KCNK2: variants seen among roughly 807,000 people sequenced by gnomAD.
KCNK2 encodes potassium channel subfamily K member 2.
Under a neutral mutation model 40.5 loss-of-function variants are expected in KCNK2, and 21 were observed. The observed-to-expected ratio is 0.52, with a 90% CI of 0.37 to 0.75. The LOEUF (loss-of-function observed/expected upper bound fraction) is 0.75, where lower values mean the gene tolerates loss of function less well. Among genes scored for constraint, KCNK2 ranks in the 30% least tolerant of loss-of-function variants. KCNK2 has a pLI of 0.00. For missense variants in KCNK2, 399 were observed against 531.6 expected, an observed-to-expected ratio of 0.75 and a Z score of 2.45; for synonymous variants, 191 against 202.2, an observed-to-expected ratio of 0.94 and a Z score of 0.47.
intron 2 of KCNK2, 65 bp downstream of exon 2, chr1:215,086,743 C>T (rs1373343236): frequency 7.0e-7 from 1 of 1,428,744 alleles, no homozygotes; most frequent in Non-Finnish European, 9.7e-7. Context: ...TAGGAGGAGA[C>T]AACTTGTAGC....
intron 3 of KCNK2, among the ~76,000 whole-genome samples, chr1:215,135,120 C>T (rs1342760766): frequency 6.6e-6 from 1 of 152,092 alleles, no homozygotes; most frequent in African/African-American, 2.4e-5. Context: ...ATGTGCTGTA[C>T]ATATTGATGC....
At chr1:215,069,933 A>T (rs540389590) in intron 1 of KCNK2, among the ~76,000 whole-genome samples, 3 of 152,230 alleles carry the variant, frequency 2.0e-5, no homozygotes, top group African/African-American at 7.2e-5. Flanking sequence ...TCTTTCTTGG[A>T]GTTAATAAGA....
At chr1:215,214,583 T>C (rs1044188068) in intron 6 of KCNK2, among the ~76,000 whole-genome samples, 1 of 152,100 alleles carries the variant, frequency 6.6e-6, no homozygotes, top group Non-Finnish European at 1.5e-5. Context: ...CCTAGCACTT[T>C]GGGAGGCCAA....
chr1:215,115,512 T>C (rs1205379784), intron 2 of KCNK2, among the ~76,000 whole-genome samples: 1 of 152,118 alleles, frequency 6.6e-6, no homozygotes, highest in South Asian at 2.1e-4. Context: ...TACAAAAATA[T>C]TGTTTCAGGT....
At chr1:215,102,261 G>A (rs1449735386) in intron 2 of KCNK2, among the ~76,000 whole-genome samples, 3 of 151,932 alleles carry the variant, frequency 2.0e-5, no homozygotes, top group African/African-American at 7.3e-5. Context: ...GGAAGACAGT[G>A]ATATGGATGA....
intron 6 of KCNK2, among the ~76,000 whole-genome samples, chr1:215,229,475 G>A (rs1666528708): frequency 6.6e-6 from 1 of 151,890 alleles, no homozygotes; most frequent in African/African-American, 2.4e-5. Flanking sequence ...ACCAGCCTGG[G>A]CAACCTCAGG....
At chr1:215,046,890 A>G (rs961556807) in intron 1 of KCNK2, among the ~76,000 whole-genome samples, 23 of 152,226 alleles carry the variant, frequency 1.5e-4, no homozygotes, top group Middle Eastern at 3.4e-3. Flanking sequence ...TTGTTGTAAA[A>G]AGAGAAACTG....
intron 2 of KCNK2, among the ~76,000 whole-genome samples, chr1:215,116,797 A>G (rs1484255172): frequency 2.6e-5 from 4 of 152,082 alleles, no homozygotes; most frequent in Non-Finnish European, 4.4e-5. Flanking sequence ...ATTTTGACTC[A>G]TATTTTTGTA....
chr1:215,108,587 A>G (rs1167231560), intron 2 of KCNK2, among the ~76,000 whole-genome samples: 1 of 152,100 alleles, frequency 6.6e-6, no homozygotes. Flanking sequence ...AATCATTGCC[A>G]AGGCCAATGT....
intron 5 of KCNK2, among the ~76,000 whole-genome samples, chr1:215,180,266 G>A (rs1664169826): frequency 6.6e-6 from 1 of 152,044 alleles, no homozygotes; most frequent in African/African-American, 2.4e-5. Context: ...TGTGAGATGG[G>A]TCTCTTGAAG....
At chr1:215,146,687 G>T (rs1042119900) in intron 3 of KCNK2, among the ~76,000 whole-genome samples, 1 of 152,154 alleles carries the variant, frequency 6.6e-6, no homozygotes, top group Admixed American at 6.5e-5. Flanking sequence ...TGAGAAAAAC[G>T]CTAAGTTTGA....
chr1:215,083,199 C>CCA lies in KCNK2; in HGVS notation c.-186_-185insAC. On this transcript the variant is annotated 5_prime_UTR_variant, in exon 1 of 7. Coordinates refer to ENST00000444842, the MANE Select transcript of KCNK2 (RefSeq NM_001017425.3). The stretch of plus-strand genomic sequence containing the variant: ...GATTTCGTTTCTTCTCACGCTCCCC[C>CCA]CCCCGCCCCCTCCCGCGTCCAGCCC... The CCA allele has an allele frequency of 2.9e-6, 2 of 685,072 alleles. No individual in the cohort carries two copies. The highest frequency in any genetic ancestry group is 4.8e-6 in the Non-Finnish European group (2 of 418,386). The allele number at this position is 685,072 out of a possible 1,614,324, so 42.4% of individuals were successfully genotyped here.
chr1:215,021,750 G>C (rs1656802927), intron 1 of KCNK2, among the ~76,000 whole-genome samples: 1 of 151,788 alleles, frequency 6.6e-6, no homozygotes, highest in Non-Finnish European at 1.5e-5. Context: ...GGGTTTCACC[G>C]TGTTAGCAAG....
chr1:215,131,512 AT>A (rs979032887), intron 3 of KCNK2, among the ~76,000 whole-genome samples: 2 of 147,470 alleles, frequency 1.4e-5, no homozygotes, highest in African/African-American at 4.9e-5. Context: ...ATAAAATTAT[AT>A]TAATTATAAT....
chr1:215,118,998 A>G (rs1293013138), intron 2 of KCNK2, among the ~76,000 whole-genome samples: 1 of 152,180 alleles, frequency 6.6e-6, no homozygotes, highest in Admixed American at 6.5e-5. Flanking sequence ...TCAGTATAGG[A>G]AAAATAAGTA....
In KCNK2 at chr1:215,163,129, G is replaced by T. The variant is rs189513166; in HGVS notation, c.476-6070G>T. 2.4e-4 allele frequency among the ~76,000 whole-genome samples: 37 copies of T among 152,190 alleles called. No homozygotes were observed. In the East Asian group the frequency reaches 7.0e-3, roughly 29 times the overall value. On this transcript the variant is annotated intron_variant, in intron 3 of 6. Coordinates refer to ENST00000444842, the MANE Select transcript of KCNK2 (RefSeq NM_001017425.3). ...TGAGCAGTGGTTTGTAGTTCTCCTT[G>T]AAGAGGTCCTTCACATCCATTGTAA...
intron 3 of KCNK2, among the ~76,000 whole-genome samples, chr1:215,152,220 G>A (rs60799931): frequency 0.096 from 14,566 of 152,032 alleles, 2,286 homozygotes; most frequent in African/African-American, 0.33. Context: ...TGTGGCCTCT[G>A]AGTAGATAGA....
At chr1:215,186,488 T>C (rs1664444731) in intron 5 of KCNK2, among the ~76,000 whole-genome samples, 1 of 152,222 alleles carries the variant, frequency 6.6e-6, no homozygotes, top group African/African-American at 2.4e-5. Context: ...ATACTTATGA[T>C]ATAGTAGAGC....
rs757502103 is a variant in KCNK2 at position 215,083,476 on chromosome 1, C to G, written c.46+45C>G. On this transcript the variant is annotated intron_variant, in intron 1 of 6. Transcript: ENST00000444842. ...ACCCCCACCCCTCTGGCCGCACGCT[C>G]TCCTGCCCCAGCCTTTTCTGGGAGG... The G allele has an allele frequency of 5.7e-6, 8 of 1,414,470 alleles. 1 individual carries two copies. The highest frequency in any genetic ancestry group is 5.0e-5 in the Admixed American group (3 of 59,706). The allele number at this position is 1,414,470 out of a possible 1,614,324, so 87.6% of individuals were successfully genotyped here.
Sources: allele counts gnomAD v4.1 joint callset (sites outside exome capture counted in the v4.1 genomes callset), GRCh38; gene constraint gnomAD v4.1.1; transcripts MANE v1.5; gene names NCBI Gene and HGNC (gene_info 2026-07-23, HGNC 2026-07-21).